The following SNX5 variants were observed in gnomAD, a reference collection of about 807,000 sequenced individuals.
The protein encoded by SNX5 is sorting nexin-5.
Under a neutral mutation model 53.9 loss-of-function variants are expected in SNX5, and 31 were observed. The ratio of observed to expected loss-of-function variants is 0.58; its 90% CI spans 0.43 to 0.78. SNX5 has a LOEUF of 0.78. SNX5 is among the 30% of genes least tolerant of loss of function. The pLI is 0.00. For synonymous variants in SNX5, 168 were observed against 171.1 expected (o/e 0.98, Z 0.14); for missense variants, 471 against 478.8 (o/e 0.98, Z 0.15).
Position 17,968,443 on chromosome 20 carries a change from G to GC in SNX5, c.-19dup. The GC allele has an allele frequency of 7.8e-7, 1 of 1,289,890 alleles. No individual in the cohort carries two copies. Among genetic ancestry groups the GC allele is most frequent in the Middle Eastern group, 3.0e-4 (1 of 3,354 alleles). 79.9% of individuals were successfully genotyped at this position (1,289,890 alleles called of 1,614,324 possible). ...GCGGCCATGGCGACGCGGGACTCGAGCAGGGGCCGCCTGGCTGTGCGAGGA... is the reference window on the plus strand; with the variant it reads ...GCGGCCATGGCGACGCGGGACTCGAGCCAGGGGCCGCCTGGCTGTGCGAGGA... On this transcript the variant is annotated 5_prime_UTR_variant, in exon 1 of 13. Transcript: ENST00000377759.
chr20:17,948,061 T>G (rs1466376006), intron 10 of SNX5, among the ~76,000 whole-genome samples: 1 of 152,256 alleles, frequency 6.6e-6, no homozygotes, highest in Non-Finnish European at 1.5e-5. Context: ...ATCCTGCTTC[T>G]GGTAATCTAC....
chr20:17,962,792 A>G (rs1452969452), intron 1 of SNX5: 3 of 519,242 alleles, frequency 5.8e-6, no homozygotes, highest in Admixed American at 1.9e-5. Context: ...TCTTACCGGT[A>G]GCCTGCCAAC....
rs115897567 is a variant in SNX5, at chr20:17,966,997, C to T, written c.51+1378G>A. ...AAAAGGAAAACAATGTCATGTAACT[C>T]TCTTCGCTACAGATACGGACAGTTT... On this transcript the variant is annotated intron_variant, in intron 1 of 12. Coordinates refer to ENST00000377759, the MANE Select transcript of SNX5 (RefSeq NM_014426.4). Among the ~76,000 whole-genome samples, 1,316 of 152,278 alleles carry T rather than the reference C, an allele frequency of 8.6e-3. 22 individuals carry two copies. The highest frequency in any genetic ancestry group is 0.03 in the African/African-American group (1,237 of 41,540).
chr20:17,968,294 G>C, intron 1 of SNX5, 81 bp downstream of exon 1: 1 of 1,156,964 alleles, frequency 8.6e-7, no homozygotes. Flanking sequence ...CACGGCCTAT[G>C]GACGCGCAAG....
At chr20:17,956,672 C>CA (rs1568593992) in intron 2 of SNX5, among the ~76,000 whole-genome samples, 1 of 45,752 alleles carries the variant, frequency 2.2e-5, no homozygotes, top group Admixed American at 3.6e-4. Flanking sequence ...GAGACTGTCT[C>CA]CAAAAAAAAA....
At chr20:17,963,702 C>A (rs981127248) in intron 1 of SNX5, among the ~76,000 whole-genome samples, 6 of 152,166 alleles carry the variant, frequency 3.9e-5, no homozygotes, top group Non-Finnish European at 8.8e-5. Flanking sequence ...TGTTGAAGGA[C>A]ATTTACTGCC....
At chr20:17,945,442 A>AT (rs1233394103) in intron 11 of SNX5, 3 of 152,232 alleles carry the variant, frequency 2.0e-5, no homozygotes, top group African/African-American at 7.2e-5. Context: ...AATATAGGAT[A>AT]TAATCAATGT....
rs887990049 is a variant in SNX5 at position 17,968,563 on chromosome 20, G to A, written c.-138C>T. On this transcript the variant is annotated 5_prime_UTR_variant, in exon 1 of 13. Coordinates refer to ENST00000377759, the MANE Select transcript of SNX5 (RefSeq NM_014426.4). ...CGGCCTCCCTGCCCGACGGCGGCAG[G>A]AGGCCTCCGGACTCCGCCACCATCC... 9 of 766,718 alleles carry A rather than the reference G, an allele frequency of 1.2e-5. No homozygotes were observed. The East Asian group carries it at 2.8e-4, about 24-fold the overall frequency. 47.5% of individuals were successfully genotyped at this position (766,718 alleles called of 1,614,324 possible). A position where few individuals can be genotyped will look rare whatever the true frequency, so the allele number is the denominator to read the frequency against.
intron 3 of SNX5, among the ~76,000 whole-genome samples, chr20:17,954,501 G>C (rs1222314699): frequency 6.6e-6 from 1 of 152,078 alleles, no homozygotes; most frequent in Non-Finnish European, 1.5e-5. Flanking sequence ...TAATCCCAAA[G>C]GATAATCAAG....
At chr20:17,957,168 G>A (rs906819818) in intron 1 of SNX5, 131 bp from the exon 2 acceptor site, 5 of 649,204 alleles carry the variant, frequency 7.7e-6, no homozygotes, top group Non-Finnish European at 1.4e-5. Flanking sequence ...GGGCGCGGCG[G>A]CTCACCCCTG....
intron 1 of SNX5, among the ~76,000 whole-genome samples, chr20:17,959,536 A>T (rs751380299): frequency 1.3e-5 from 2 of 152,200 alleles, no homozygotes; most frequent in Admixed American, 1.3e-4. Context: ...ATCACTTGAC[A>T]TGACAGTCCT....
intron 2 of SNX5, among the ~76,000 whole-genome samples, chr20:17,956,501 C>T (rs2035357764): frequency 1.3e-5 from 2 of 152,034 alleles, no homozygotes; most frequent in South Asian, 2.1e-4. Context: ...AGCTGAGGCA[C>T]GTGCATCACC....
At chr20:17,962,606 A>G in intron 1 of SNX5, 1 of 432,694 alleles carries the variant, frequency 2.3e-6, no homozygotes, top group Admixed American at 2.7e-5. Context: ...CAAGGAAAAC[A>G]GAACTAAAGA....
intron 11 of SNX5, among the ~76,000 whole-genome samples, chr20:17,945,740 T>C (rs2039480241): frequency 1.3e-5 from 2 of 152,192 alleles, no homozygotes; most frequent in Non-Finnish European, 2.9e-5. Context: ...TCTGTGCCTT[T>C]GTGCCTTACA....
Position 17,961,717 on chromosome 20 carries a change from T to C in SNX5, c.52-4680A>G, listed in dbSNP as rs528352378. ...TGCTACAGTGTCTTCTCTTTCAAACTATCTGTTCCTAGCCTCTAGGGATTT... is the reference window on the plus strand; with the variant it reads ...TGCTACAGTGTCTTCTCTTTCAAACCATCTGTTCCTAGCCTCTAGGGATTT... On this transcript the variant is annotated intron_variant, in intron 1 of 12. Transcript: ENST00000377759. 1.1e-5 allele frequency: 11 copies of C among 985,410 alleles called. No homozygotes were observed. The East Asian group carries it at 5.7e-4, about 51-fold the overall frequency. The allele number at this position is 985,410 out of a possible 1,614,324, so 61.0% of individuals were successfully genotyped here.
At chr20:17,955,217 T>C (rs2035332987) in intron 3 of SNX5, 148 bp downstream of exon 3, 1 of 609,598 alleles carries the variant, frequency 1.6e-6, no homozygotes, top group Admixed American at 2.9e-5. Flanking sequence ...CTTCACATAC[T>C]TTCCACTTGA....
chr20:17,957,463 A>G (rs960018781), intron 1 of SNX5, among the ~76,000 whole-genome samples: 1 of 152,080 alleles, frequency 6.6e-6, no homozygotes. Context: ...AAAAATTAAA[A>G]AAAAGAAAAA....
At chr20:17,957,382 C>T (rs899854832) in intron 1 of SNX5, among the ~76,000 whole-genome samples, 2 of 149,176 alleles carry the variant, frequency 1.3e-5, no homozygotes, top group African/African-American at 5.0e-5. Context: ...TTGCAGTGAG[C>T]TGAGATCACA....
At chr20:17,945,829 C>G (rs1392985141) in intron 11 of SNX5, among the ~76,000 whole-genome samples, 1 of 152,142 alleles carries the variant, frequency 6.6e-6, no homozygotes, top group African/African-American at 2.4e-5. Flanking sequence ...CCCCAGGTAG[C>G]TTCAAACATG....
Sources: allele counts gnomAD v4.1 joint callset (sites outside exome capture counted in the v4.1 genomes callset), GRCh38; gene constraint gnomAD v4.1.1; transcripts MANE v1.5; gene names NCBI Gene and HGNC (gene_info 2026-07-23, HGNC 2026-07-21).